Variants in SDK1 observed in about 807,000 individuals in gnomAD.
SDK1 encodes protein sidekick-1.
SDK1 carries 157 observed loss-of-function variants against 245.5 expected under a neutral mutation model. The ratio of observed to expected loss-of-function variants is 0.64; its 90% CI spans 0.56 to 0.73. The LOEUF (loss-of-function observed/expected upper bound fraction) is 0.73. SDK1 is among the 30% of genes least tolerant of loss of function. The pLI is 0.00. For synonymous variants in SDK1, 1,647 were observed against 1,278.5 expected (o/e 1.29, Z -6.15); for missense variants, 3,583 against 3,002.3 (o/e 1.19, Z -4.52).
intron 28 of SDK1, among the ~76,000 whole-genome samples, chr7:4,136,027 G>A (rs73671567): frequency 1.3e-5 from 2 of 152,174 alleles, no homozygotes; most frequent in Admixed American, 6.5e-5. Flanking sequence ...AAAGTGCGTC[G>A]GGAGGTATGG....
At chr7:4,104,644 AGT>A (rs1782787340) in intron 22 of SDK1, among the ~76,000 whole-genome samples, 1 of 152,210 alleles carries the variant, frequency 6.6e-6, no homozygotes, top group Non-Finnish European at 1.5e-5. Context: ...CTCATTAATG[AGT>A]GAAATAAATC....
intron 35 of SDK1, among the ~76,000 whole-genome samples, chr7:4,197,866 T>C (rs188615330): frequency 1.1e-3 from 161 of 152,336 alleles, no homozygotes; most frequent in African/African-American, 3.7e-3. Flanking sequence ...TCCTTTGTCA[T>C]AGACGACAGA....
rs751273907 is a variant in SDK1, at chr7:3,974,459, G to T, written c.1908G>T (p.Gln636His). 2.7e-5 allele frequency: 43 copies of T among 1,614,182 alleles called. No individual in the cohort carries two copies. The highest frequency in any genetic ancestry group is 3.5e-5 in the Non-Finnish European group (41 of 1,180,032). Residue 636 changes from glutamine (Q) to histidine (H), a missense_variant, in exon 13 of 45, where the codon CAG becomes CAT. Gln to His is a conservative substitution (Grantham distance 24). Transcript: ENST00000404826. ...VEKDGSLLIS[Q>H]TWSGDIGDYS... is the part of the protein sequence containing the mutation. ...AGGACGGGTCCCTTCTCATCAGCCA[G>T]ACGTGGTCAGGCGACATCGGTGACT...
At chr7:3,447,429 C>T (rs1780373174) in intron 1 of SDK1, among the ~76,000 whole-genome samples, 1 of 152,062 alleles carries the variant, frequency 6.6e-6, no homozygotes, top group Non-Finnish European at 1.5e-5. Flanking sequence ...CACACACACT[C>T]ACTTACTCTT....
chr7:3,635,701 G>A (rs1425314200), intron 2 of SDK1, among the ~76,000 whole-genome samples: 1 of 151,892 alleles, frequency 6.6e-6, no homozygotes, highest in African/African-American at 2.4e-5. Context: ...TCCTATTTGA[G>A]CTCCTTTTCT....
intron 5 of SDK1, among the ~76,000 whole-genome samples, chr7:3,828,183 C>A (rs1779824566): frequency 6.6e-6 from 1 of 151,968 alleles, no homozygotes; most frequent in Non-Finnish European, 1.5e-5. Flanking sequence ...GAGGCTGAGG[C>A]AGGAAAATGA....
At chr7:4,230,565 AGGAT>A (rs1785696227) in intron 40 of SDK1, among the ~76,000 whole-genome samples, 2 of 151,500 alleles carry the variant, frequency 1.3e-5, no homozygotes, top group South Asian at 4.2e-4. Context: ...GATAGAAGGA[AGGAT>A]GAATGGATGG....
chr7:4,157,479 A>AAGGAAGGGAGGAAGGAAAGC (rs1780834728), intron 30 of SDK1, among the ~76,000 whole-genome samples: 2 of 102,474 alleles, frequency 2.0e-5, no homozygotes, highest in South Asian at 3.5e-4. Context: ...GGAAGGAGGG[A>AAGGAAGGGAGGAAGGAAAGC]AGGAAGGGAG....
At chr7:3,922,499 T>C (rs2128113645) in intron 5 of SDK1, among the ~76,000 whole-genome samples, 1 of 152,362 alleles carries the variant, frequency 6.6e-6, no homozygotes, top group East Asian at 1.9e-4. Flanking sequence ...TCTGACTCCT[T>C]GAGAAATGAG....
At chr7:4,123,208 A>G (rs1476287223) in intron 25 of SDK1, among the ~76,000 whole-genome samples, 1 of 152,198 alleles carries the variant, frequency 6.6e-6, no homozygotes, top group African/African-American at 2.4e-5. Flanking sequence ...TGCTATGACA[A>G]TGGCCTCTCT....
intron 29 of SDK1, among the ~76,000 whole-genome samples, chr7:4,148,906 A>C (rs145408860): frequency 0.055 from 8,411 of 152,208 alleles, 516 homozygotes; most frequent in African/African-American, 0.15. Context: ...AAATACAAAA[A>C]TTAGCTGGGC....
chr7:3,406,980 A>ACT (rs10649718), intron 1 of SDK1, among the ~76,000 whole-genome samples: 2 of 70,290 alleles, frequency 2.8e-5, no homozygotes, highest in African/African-American at 3.7e-4. Flanking sequence ...TGAATAAACT[A>ACT]GAGTGGATGA....
intron 4 of SDK1, among the ~76,000 whole-genome samples, chr7:3,769,936 CTGTGTGTGTGTGTG>C (rs34066132): frequency 2.3e-4 from 33 of 144,744 alleles, no homozygotes; most frequent in Middle Eastern, 3.5e-3. Flanking sequence ...TACTTATTGT[CTGTGTGTGTGTGTG>C]TGTGTGTGTG....
chr7:4,086,290 A>G (rs1018566368), intron 22 of SDK1, among the ~76,000 whole-genome samples: 2 of 152,190 alleles, frequency 1.3e-5, no homozygotes, highest in African/African-American at 4.8e-5. Context: ...TATTAGTATT[A>G]TATCACTGCC....
chr7:4,002,773 A>T (rs754010910), intron 14 of SDK1, among the ~76,000 whole-genome samples: 1 of 152,222 alleles, frequency 6.6e-6, no homozygotes, highest in Non-Finnish European at 1.5e-5. Context: ...TCTGGTTCTC[A>T]GGGGTGGATC....
chr7:4,084,820 T>G (rs899320947), intron 22 of SDK1, among the ~76,000 whole-genome samples: 3 of 152,076 alleles, frequency 2.0e-5, no homozygotes, highest in Non-Finnish European at 2.9e-5. Context: ...CAGGCTGGAG[T>G]GCAATGGCAC....
At chr7:3,407,489 G>C (rs1562468420) in intron 1 of SDK1, among the ~76,000 whole-genome samples, 1 of 152,142 alleles carries the variant, frequency 6.6e-6, no homozygotes, top group African/African-American at 2.4e-5. Flanking sequence ...AGGTATGAAT[G>C]AGTGAACCAG....
chr7:4,129,096 G>T, intron 26 of SDK1, among the ~76,000 whole-genome samples: 1 of 140,636 alleles, frequency 7.1e-6, no homozygotes, highest in Non-Finnish European at 1.5e-5. Flanking sequence ...CTTGGGGTGG[G>T]GTGCCCTGGA....
At chr7:3,836,172 C>G (rs753285546) in intron 5 of SDK1, among the ~76,000 whole-genome samples, 1 of 152,220 alleles carries the variant, frequency 6.6e-6, no homozygotes, top group Non-Finnish European at 1.5e-5. Context: ...GAATAACACT[C>G]GTGTTCATGT....
Sources: gnomAD v4.1 joint callset for allele counts (sites outside exome capture counted in the v4.1 genomes callset) on GRCh38, gnomAD v4.1.1 for gene constraint, MANE v1.5 for transcripts, NCBI Gene and HGNC (gene_info 2026-07-23, HGNC 2026-07-21) for gene names.